STPG2: variants seen among roughly 807,000 people sequenced by gnomAD.
STPG2 encodes sperm tail PG-rich repeat containing 2.
STPG2 carries 56 observed loss-of-function variants against 54.2 expected under a neutral mutation model. The ratio of observed to expected loss-of-function variants is 1.03; its 90% CI spans 0.83 to 1.29. STPG2 has a LOEUF of 1.29. Among genes scored for constraint, STPG2 ranks in the 50% most tolerant of loss-of-function variants. The pLI is 0.00. For missense variants in STPG2, 596 were observed against 544.9 expected (o/e 1.09, Z -0.93); for synonymous variants, 200 against 181.8 (o/e 1.10, Z -0.81).
Position 97,750,565 on chromosome 4 carries a change from G to GA in STPG2, c.1205-37752dup, listed in dbSNP as rs567331247. 1.3e-3 allele frequency among the ~76,000 whole-genome samples: 202 copies of GA among 151,812 alleles called. 2 individuals are homozygous for GA. In the South Asian group the frequency reaches 0.022, roughly 17 times the overall value. On this transcript the variant is annotated intron_variant, in intron 9 of 10. Coordinates refer to ENST00000295268, the MANE Select transcript of STPG2 (RefSeq NM_174952.3). Reference sequence around the variant, plus strand: ...GAATGTAACTGATGTTAAGGGAGGAGAGATTTCCAAGAAGGACCTGATCAA... The same window carrying GA: ...GAATGTAACTGATGTTAAGGGAGGAGAAGATTTCCAAGAAGGACCTGATCAA...
chr4:97,794,026 T>A (rs1307310296), intron 9 of STPG2, among the ~76,000 whole-genome samples: 3 of 152,070 alleles, frequency 2.0e-5, no homozygotes, highest in Non-Finnish European at 2.9e-5. Flanking sequence ...AACTAATAGG[T>A]AAAGCCACAA....
chr4:98,134,378 C>A lies in STPG2; in HGVS notation c.191G>T (p.Gly64Val). 5 of 1,579,554 alleles carry A rather than the reference C, an allele frequency of 3.2e-6. No homozygotes were observed. The highest frequency in any genetic ancestry group is 4.3e-6 in the Non-Finnish European group (5 of 1,160,274). ...TTCTGAAACATTATAGTGTCCTGGA[C>A]CTGGAACAGCTTTCTCAATGCTAGA... ...IASSIEKAVP[G>V]PGHYNVSEAQ... The change falls in exon 2 of 11, where the codon GGT becomes GTT. Residue 64 changes from glycine to valine, a missense_variant. Gly to Val is a moderately radical substitution (Grantham distance 109). Transcript: ENST00000295268.
chr4:97,525,721 A>T (rs1426094100), intron 4 of STPG2, among the ~76,000 whole-genome samples: 1 of 152,006 alleles, frequency 6.6e-6, no homozygotes, highest in Non-Finnish European at 1.5e-5. Flanking sequence ...TAAGCTGATA[A>T]ATTTGGCCCA....
intron 8 of STPG2, among the ~76,000 whole-genome samples, chr4:97,898,272 T>C (rs1731037810): frequency 1.3e-5 from 2 of 152,072 alleles, no homozygotes. Flanking sequence ...GTGTCTGCTT[T>C]TGTATCCTTT....
intron 5 of STPG2, among the ~76,000 whole-genome samples, chr4:98,040,974 A>G (rs1468813687): frequency 2.0e-5 from 3 of 151,896 alleles, no homozygotes; most frequent in Non-Finnish European, 2.9e-5. Flanking sequence ...TTTCACGAGC[A>G]TGGGATACTT....
At chr4:97,887,843 T>G (rs987277118) in intron 8 of STPG2, among the ~76,000 whole-genome samples, 1 of 152,186 alleles carries the variant, frequency 6.6e-6, no homozygotes, top group East Asian at 1.9e-4. Flanking sequence ...GAGAACAGAA[T>G]GGTTTTGTGA....
At chr4:97,456,928 A>T (rs1729542509) in intron 4 of STPG2, among the ~76,000 whole-genome samples, 5 of 149,470 alleles carry the variant, frequency 3.3e-5, no homozygotes, top group African/African-American at 5.0e-5. Flanking sequence ...AAAAAAAAAG[A>T]TGGGTAAAAT....
At chr4:97,969,875 CCT>C (rs923126890) in intron 7 of STPG2, among the ~76,000 whole-genome samples, 46 of 152,120 alleles carry the variant, frequency 3.0e-4, no homozygotes, top group East Asian at 9.6e-4. Flanking sequence ...TCAAATTGCC[CCT>C]GTTTGCAGAT....
intron 5 of STPG2, among the ~76,000 whole-genome samples, chr4:97,987,396 G>T (rs1734861861): frequency 6.6e-6 from 1 of 151,998 alleles, no homozygotes; most frequent in South Asian, 2.1e-4. Flanking sequence ...GTAAATCAAC[G>T]TGTTTTTTCC....
At chr4:97,611,810 T>G (rs1274894907) in intron 10 of STPG2, among the ~76,000 whole-genome samples, 1 of 151,642 alleles carries the variant, frequency 6.6e-6, no homozygotes, top group Non-Finnish European at 1.5e-5. Flanking sequence ...AAAATAAATT[T>G]CATATGGATT....
chr4:97,935,865 G>A (rs531715176), intron 8 of STPG2, among the ~76,000 whole-genome samples: 22 of 152,232 alleles, frequency 1.4e-4, no homozygotes, highest in Non-Finnish European at 3.1e-4. Context: ...TTGTTTTGGG[G>A]TGGAGAGTTC....
intron 10 of STPG2, among the ~76,000 whole-genome samples, chr4:97,615,304 T>C (rs528602442): frequency 6.6e-6 from 1 of 152,304 alleles, no homozygotes; most frequent in South Asian, 2.1e-4. Flanking sequence ...GATCCATGCA[T>C]AGTTTTTTCA....
At chr4:98,062,501 G>C (rs1737694307) in intron 5 of STPG2, among the ~76,000 whole-genome samples, 2 of 152,084 alleles carry the variant, frequency 1.3e-5, no homozygotes. Context: ...AGATATAATA[G>C]TCGAGAATCC....
intron 9 of STPG2, among the ~76,000 whole-genome samples, chr4:97,761,178 C>G (rs1001086322): frequency 6.6e-6 from 1 of 152,134 alleles, no homozygotes; most frequent in African/African-American, 2.4e-5. Context: ...AAAAAAATAC[C>G]TTGAAATTCC....
chr4:97,749,004 T>C (rs2149044060), intron 9 of STPG2, among the ~76,000 whole-genome samples: 1 of 151,648 alleles, frequency 6.6e-6, no homozygotes, highest in South Asian at 2.1e-4. Flanking sequence ...TTTGGAGAAA[T>C]CCGTTTTGGG....
At chr4:97,952,516 G>A (rs2162369) in intron 7 of STPG2, among the ~76,000 whole-genome samples, 19,373 of 152,114 alleles carry the variant, frequency 0.13, 1,899 homozygotes, top group African/African-American at 0.26. Flanking sequence ...GTCCCTGAGA[G>A]CCAGGCCACT....
intron 10 of STPG2, among the ~76,000 whole-genome samples, chr4:97,572,988 A>G (rs758856940): frequency 6.6e-6 from 1 of 152,132 alleles, no homozygotes; most frequent in Non-Finnish European, 1.5e-5. Flanking sequence ...TATCTTTAAC[A>G]CTAGAAAAAT....
At chr4:97,785,842 A>G (rs185736226) in intron 9 of STPG2, among the ~76,000 whole-genome samples, 1 of 152,092 alleles carries the variant, frequency 6.6e-6, no homozygotes, top group Non-Finnish European at 1.5e-5. Context: ...GACATGGCAA[A>G]AAAAAAACTA....
chr4:97,873,838 G>C (rs1384459985), intron 8 of STPG2, among the ~76,000 whole-genome samples: 2 of 151,352 alleles, frequency 1.3e-5, no homozygotes, highest in Non-Finnish European at 3.0e-5. Flanking sequence ...TAAATACATG[G>C]AGCTATTCAG....
Sources: allele counts gnomAD v4.1 joint callset (sites outside exome capture counted in the v4.1 genomes callset), GRCh38; gene constraint gnomAD v4.1.1; transcripts MANE v1.5; gene names NCBI Gene and HGNC (gene_info 2026-07-23, HGNC 2026-07-21).